TENM3: variants seen among roughly 807,000 people sequenced by gnomAD.
TENM3 encodes teneurin-3.
In TENM3, 63 loss-of-function variants were observed where a neutral mutation model predicts 255.1. The observed-to-expected ratio is 0.25, with a 90% CI of 0.20 to 0.30. The LOEUF is 0.30. Ranked by LOEUF, TENM3 falls within the 10% of genes least tolerant of loss-of-function variation. The pLI is 1.00. For missense variants in TENM3, 2,929 were observed against 3,461.1 expected (o/e 0.85, Z 3.86); for synonymous variants, 1,306 against 1,322.3 (o/e 0.99, Z 0.27).
At chr4:181,631,372 C>T in the TENM3 span, among the ~76,000 whole-genome samples, 1 of 152,136 alleles carries the variant, frequency 6.6e-6, no homozygotes, top group African/African-American at 2.4e-5. Context: ...TCACCGTAAC[C>T]TCCGCCTCCC....
At chr4:181,921,752 C>G in the TENM3 span, among the ~76,000 whole-genome samples, 1 of 152,098 alleles carries the variant, frequency 6.6e-6, no homozygotes, top group Admixed American at 6.6e-5. Flanking sequence ...ATTGCCCTGG[C>G]CAGAACTTCC....
the TENM3 span, among the ~76,000 whole-genome samples, chr4:181,553,736 C>T: frequency 1.4e-3 from 210 of 152,176 alleles, 1 homozygote; most frequent in African/African-American, 2.4e-3. Context: ...CCACCGCGCC[C>T]GGCCAATAGA....
chr4:182,507,363 T>C (rs900412929), intron 3 of TENM3, among the ~76,000 whole-genome samples: 1 of 152,222 alleles, frequency 6.6e-6, no homozygotes, highest in Admixed American at 6.5e-5. Flanking sequence ...CAAGTACATC[T>C]GCCCTTATGC....
At chr4:182,667,813 T>G (rs1451147493) in intron 6 of TENM3, among the ~76,000 whole-genome samples, 40 of 135,854 alleles carry the variant, frequency 2.9e-4, no homozygotes, top group African/African-American at 4.2e-4. Context: ...GTGGGGGGAG[T>G]GGGGAGGGAT....
chr4:181,992,874 A>G, the TENM3 span, among the ~76,000 whole-genome samples: 6 of 152,164 alleles, frequency 3.9e-5, no homozygotes, highest in Admixed American at 3.9e-4. Flanking sequence ...TGACAGATAA[A>G]ATGTACTATT....
chr4:181,937,485 G>T, the TENM3 span, among the ~76,000 whole-genome samples: 1 of 152,192 alleles, frequency 6.6e-6, no homozygotes, highest in South Asian at 2.1e-4. Context: ...CGATTGAAGT[G>T]GGAGAATTCT....
chr4:182,530,745 G>A (rs1352757352), intron 3 of TENM3, among the ~76,000 whole-genome samples: 1 of 152,178 alleles, frequency 6.6e-6, no homozygotes, highest in Non-Finnish European at 1.5e-5. Flanking sequence ...TGTTTTGGAG[G>A]TAGAATTAGT....
intron 1 of TENM3, among the ~76,000 whole-genome samples, chr4:182,193,042 T>C (rs1753617706): frequency 6.6e-6 from 1 of 152,186 alleles, no homozygotes; most frequent in Admixed American, 6.5e-5. Context: ...AACCTAGCAA[T>C]AAGCTTTCCA....
At chr4:181,598,817 A>G in the TENM3 span, among the ~76,000 whole-genome samples, 1 of 152,158 alleles carries the variant, frequency 6.6e-6, no homozygotes, top group Non-Finnish European at 1.5e-5. Flanking sequence ...TCAAGGAACA[A>G]TTTGCCATTT....
At chr4:182,611,675 A>G (rs1285635733) in intron 4 of TENM3, among the ~76,000 whole-genome samples, 2 of 152,222 alleles carry the variant, frequency 1.3e-5, no homozygotes, top group Non-Finnish European at 2.9e-5. Flanking sequence ...CAGCAAAGTC[A>G]TATATTGATG....
chr4:182,265,299 C>T (rs1230144178), intron 1 of TENM3, among the ~76,000 whole-genome samples: 1 of 152,126 alleles, frequency 6.6e-6, no homozygotes, highest in African/African-American at 2.4e-5. Flanking sequence ...ATACTTGACT[C>T]TTTGCACACT....
At chr4:182,690,961 T>C (rs567648182) in intron 12 of TENM3, among the ~76,000 whole-genome samples, 3 of 152,240 alleles carry the variant, frequency 2.0e-5, no homozygotes, top group South Asian at 2.1e-4. Context: ...CATTTACAAA[T>C]AAATCTTAGA....
the TENM3 span, among the ~76,000 whole-genome samples, chr4:181,987,644 G>A: frequency 2.8e-4 from 43 of 152,106 alleles, no homozygotes; most frequent in Admixed American, 1.6e-3. Flanking sequence ...TTTTGGTTTC[G>A]TTATTTTTCT....
the TENM3 span, among the ~76,000 whole-genome samples, chr4:181,524,707 A>G: frequency 1.3e-5 from 2 of 152,178 alleles, no homozygotes; most frequent in Non-Finnish European, 2.9e-5. Context: ...GAAACAGAAC[A>G]GGGGCCATTA....
chr4:182,237,140 T>G (rs1756944467), intron 1 of TENM3, among the ~76,000 whole-genome samples: 1 of 152,170 alleles, frequency 6.6e-6, no homozygotes, highest in Non-Finnish European at 1.5e-5. Flanking sequence ...CTGAGGATAG[T>G]GGCGTCCAGC....
At chr4:181,937,558 A>G in the TENM3 span, among the ~76,000 whole-genome samples, 1 of 152,294 alleles carries the variant, frequency 6.6e-6, no homozygotes, top group East Asian at 1.9e-4. Flanking sequence ...TGAACAAAAG[A>G]GGAATAAAGA....
chr4:182,311,146 C>G (rs1451973003), intron 1 of TENM3, among the ~76,000 whole-genome samples: 2 of 152,210 alleles, frequency 1.3e-5, no homozygotes, highest in Non-Finnish European at 2.9e-5. Context: ...TAATATCACA[C>G]CAGGGTGTCA....
chr4:182,506,813 T>G (rs552972862), intron 3 of TENM3, among the ~76,000 whole-genome samples: 48 of 152,318 alleles, frequency 3.2e-4, no homozygotes, highest in South Asian at 2.1e-3. Context: ...TCGAGACATC[T>G]TTTTGAACTT....
At chr4:182,333,504 T>G (rs1452119362) in intron 2 of TENM3, among the ~76,000 whole-genome samples, 1 of 152,128 alleles carries the variant, frequency 6.6e-6, no homozygotes, top group East Asian at 1.9e-4. Context: ...AATAGATGAT[T>G]TACACGTTTT....
Sources: allele counts gnomAD v4.1 joint callset (sites outside exome capture counted in the v4.1 genomes callset), GRCh38; gene constraint gnomAD v4.1.1; transcripts MANE v1.5; gene names NCBI Gene and HGNC (gene_info 2026-07-23, HGNC 2026-07-21).